SCGN: variants seen among roughly 807,000 people sequenced by gnomAD.
The protein encoded by SCGN is secretagogin.
A neutral mutation model predicts 39.7 loss-of-function variants in SCGN; 30 were observed. The observed-to-expected ratio is 0.76, with a 90% CI of 0.57 to 1.03. The LOEUF is 1.03. SCGN is among the 50% of genes least tolerant of loss of function. The pLI is 0.00. For synonymous variants in SCGN, 106 were observed against 114.1 expected (o/e 0.93, Z 0.45); for missense variants, 353 against 349.4 (o/e 1.01, Z -0.08).
chr6:25,679,602 C>T (rs144368556), intron 6 of SCGN, among the ~76,000 whole-genome samples: 1 of 152,112 alleles, frequency 6.6e-6, no homozygotes, highest in Non-Finnish European at 1.5e-5. Flanking sequence ...GAGCAGTTGT[C>T]AGGACTAGGC....
In SCGN at chr6:25,653,382, A is replaced by T; in HGVS notation, c.83A>T (p.Glu28Val). 1.3e-6 allele frequency: 2 copies of T among 1,596,146 alleles called. No homozygotes were observed. The highest frequency in any genetic ancestry group is 8.6e-7 in the Non-Finnish European group (1 of 1,167,224). Residue 28 changes from glutamate to valine, a missense_variant and splice_region_variant, in exon 2 of 11, where the codon GAA (glutamate) becomes GTA (valine). Physicochemically the swap from Glu to Val is moderately radical, Grantham distance 121. Transcript: ENST00000377961. Reference protein sequence around the residue: ...WQVWQRFDADEKGYIEEKELD... With the variant: ...WQVWQRFDADVKGYIEEKELD... ...TTTATGTTTATTTTCTCACATTTAG[A>T]AAAAGGTTACATAGAAGAGAAGGAA... is the stretch of plus-strand genomic sequence containing the variant.
At chr6:25,693,106 T>C (rs918999765) in intron 10 of SCGN, among the ~76,000 whole-genome samples, 2 of 152,190 alleles carry the variant, frequency 1.3e-5, no homozygotes, top group East Asian at 3.8e-4. Context: ...ACATTGATCA[T>C]AGTCCCTGGG....
At chr6:25,665,184 G>C (rs1760405372) in intron 4 of SCGN, 152 bp downstream of exon 4, 1 of 596,944 alleles carries the variant, frequency 1.7e-6, no homozygotes, top group African/African-American at 1.9e-5. Flanking sequence ...TTAGTGATGA[G>C]GACTTTGGTC....
In SCGN at chr6:25,661,622, A is replaced by T. The variant is rs777173392; in HGVS notation, c.224A>T (p.Asp75Val). ...QFMTTQDASK[D>V]GRIRMKELAG... is the part of the protein sequence containing the mutation. ...ATGACTACCCAAGATGCCTCTAAAG[A>T]TGGTCGCATTCGGATGAAAGAGGTA... The change falls in exon 3 of 11, where the codon GAT becomes GTT. Residue 75 changes from aspartate (D) to valine (V), a missense_variant. Coordinates refer to ENST00000377961, the MANE Select transcript of SCGN (RefSeq NM_006998.4). The T allele has an allele frequency of 1.9e-6, 3 of 1,613,040 alleles. No individual in the cohort carries two copies. The African/African-American group carries it at 4.0e-5, about 22-fold the overall frequency.
intron 2 of SCGN, among the ~76,000 whole-genome samples, chr6:25,661,003 A>C (rs1312071324): frequency 6.6e-6 from 1 of 152,234 alleles, no homozygotes; most frequent in Admixed American, 6.5e-5. Context: ...AAGGTTCTAC[A>C]TAGAAGGGAG....
chr6:25,670,580 C>T (rs1035960248), intron 6 of SCGN, among the ~76,000 whole-genome samples: 8 of 152,254 alleles, frequency 5.3e-5, no homozygotes, highest in Non-Finnish European at 7.3e-5. Flanking sequence ...TTATTTACTT[C>T]TCCTATAAAA....
intron 2 of SCGN, 32 bp from the exon 3 acceptor site, chr6:25,661,516 AGTGG>A: frequency 7.9e-6 from 11 of 1,390,268 alleles, no homozygotes; most frequent in Non-Finnish European, 1.1e-5. Flanking sequence ...TTGAGATTCC[AGTGG>A]CTTTAATGTG....
chr6:25,664,974 A>T lies in SCGN; in HGVS notation c.278A>T (p.Asn93Ile). 6.2e-7 allele frequency: 1 copy of T among 1,613,750 alleles called. No individual in the cohort carries two copies. Among genetic ancestry groups the T allele is most frequent in the Non-Finnish European group, 8.5e-7 (1 of 1,179,892 alleles). ...LAGMFLSEDE[N>I]FLLLFRRENP... The stretch of plus-strand genomic sequence containing the variant: ...GGTATGTTCTTATCTGAGGATGAAA[A>T]CTTTCTTCTGCTCTTTCGCCGGGAA... Residue 93 changes from asparagine to isoleucine, a missense_variant, in exon 4 of 11, where the codon AAC (asparagine) becomes ATC (isoleucine). Physicochemically the swap from Asn to Ile is moderately radical, Grantham distance 149. Transcript: ENST00000377961.
At position 25,670,134 on chromosome 6, in the gene SCGN, C is replaced by T. The variant is rs879096135; in HGVS notation, c.471+58C>T. ...CAGCTCCCCCACTCCCTCCCCAGAC[C>T]CCAGAAACAGTGTCTGCTAGAGAGT... On this transcript the variant is annotated intron_variant, in intron 6 of 10. Transcript: ENST00000377961. 3.0e-5 allele frequency: 35 copies of T among 1,176,046 alleles called. No individual in the cohort carries two copies. The East Asian group carries it at 6.8e-4, about 23-fold the overall frequency. The allele number at this position is 1,176,046 out of a possible 1,614,324, so 72.9% of individuals were successfully genotyped here.
At chr6:25,657,860 C>T (rs1048913833) in intron 2 of SCGN, among the ~76,000 whole-genome samples, 1 of 151,058 alleles carries the variant, frequency 6.6e-6, no homozygotes, top group East Asian at 1.9e-4. Flanking sequence ...AGACTGTCAC[C>T]TCAGGGACCT....
rs371358480 is a variant in SCGN, at chr6:25,653,484, G to A, written c.153+32G>A. 132 of 1,505,672 alleles carry A rather than the reference G, an allele frequency of 8.8e-5. 1 individual carries two copies. In the African/African-American group the frequency reaches 1.4e-3, roughly 16 times the overall value. 93.3% of individuals were successfully genotyped at this position (1,505,672 alleles called of 1,614,324 possible). ...ACTTGCACACTAAGCCTTAATTTAT[G>A]CCTCTTAGTAAGATACGCACATCCA... is the stretch of plus-strand genomic sequence containing the variant. On this transcript the variant is annotated intron_variant, in intron 2 of 10. Coordinates refer to ENST00000377961, the MANE Select transcript of SCGN (RefSeq NM_006998.4).
chr6:25,668,385 C>T (rs566023344), intron 4 of SCGN, among the ~76,000 whole-genome samples: 1 of 152,236 alleles, frequency 6.6e-6, no homozygotes, highest in African/African-American at 2.4e-5. Flanking sequence ...GTTCTGTGTT[C>T]TGGTTCGTAA....
intron 4 of SCGN, among the ~76,000 whole-genome samples, chr6:25,667,596 C>T (rs1030278635): frequency 9.9e-5 from 15 of 152,030 alleles, no homozygotes; most frequent in Admixed American, 7.9e-4. Flanking sequence ...TTCAATTTGC[C>T]CATGTGTCAC....
chr6:25,675,128 A>G (rs1414791545), intron 6 of SCGN, among the ~76,000 whole-genome samples: 1 of 152,234 alleles, frequency 6.6e-6, no homozygotes, highest in Non-Finnish European at 1.5e-5. Flanking sequence ...AAGTCTTGAT[A>G]ATATTATCTA....
Position 25,701,476 on chromosome 6 carries a change from G to A in SCGN, c.*141G>A. 1 of 1,009,504 alleles carries A rather than the reference G, an allele frequency of 9.9e-7. No individual in the cohort carries two copies. Among genetic ancestry groups the A allele is most frequent in the Admixed American group, 2.4e-5 (1 of 41,924 alleles). The allele number at this position is 1,009,504 out of a possible 1,614,324, so 62.5% of individuals were successfully genotyped here. The stretch of plus-strand genomic sequence containing the variant: ...CTTGGGCAAGAACAGGGACGCTAGG[G>A]CCTTCCTTCCACCGGCGTGATCTAT... On this transcript the variant is annotated 3_prime_UTR_variant, in exon 11 of 11. Coordinates refer to ENST00000377961, the MANE Select transcript of SCGN (RefSeq NM_006998.4).
intron 6 of SCGN, among the ~76,000 whole-genome samples, chr6:25,674,456 C>T (rs1443431106): frequency 5.3e-5 from 8 of 152,160 alleles, no homozygotes; most frequent in African/African-American, 1.4e-4. Flanking sequence ...CTTCTAGGAA[C>T]TTAACTTTTT....
intron 6 of SCGN, among the ~76,000 whole-genome samples, chr6:25,670,609 A>C (rs577570536): frequency 4.6e-5 from 7 of 152,250 alleles, no homozygotes; most frequent in Non-Finnish European, 1.0e-4. Context: ...AATAACACCT[A>C]ATTCCTGTGA....
intron 2 of SCGN, among the ~76,000 whole-genome samples, chr6:25,658,379 C>G (rs1228895071): frequency 6.6e-6 from 1 of 151,882 alleles, no homozygotes; most frequent in African/African-American, 2.4e-5. Flanking sequence ...TCACTGTTCC[C>G]CATTTATAAT....
intron 10 of SCGN, among the ~76,000 whole-genome samples, chr6:25,700,241 C>T (rs372599740): frequency 2.0e-5 from 2 of 100,870 alleles, no homozygotes; most frequent in African/African-American, 7.9e-5. Flanking sequence ...GACTTCGTCT[C>T]AAAAAAAAAA....
Sources: allele counts gnomAD v4.1 joint callset (sites outside exome capture counted in the v4.1 genomes callset), GRCh38; gene constraint gnomAD v4.1.1; transcripts MANE v1.5; gene names NCBI Gene and HGNC (gene_info 2026-07-23, HGNC 2026-07-21).